The following BPTF variants were observed in gnomAD, a reference collection of about 807,000 sequenced individuals.
BPTF encodes the protein bromodomain PHD finger transcription factor.
BPTF carries 18 observed loss-of-function variants against 292.5 expected under a neutral mutation model. The ratio of observed to expected loss-of-function variants is 0.06; its 90% CI spans 0.04 to 0.09. The LOEUF (loss-of-function observed/expected upper bound fraction) is 0.09. Ranked by LOEUF, BPTF falls within the 10% of genes least tolerant of loss-of-function variation. The pLI, the probability that BPTF is intolerant of heterozygous loss-of-function variation, is 1.00. For synonymous variants in BPTF, 1,225 were observed against 1,251.9 expected, an observed-to-expected ratio of 0.98 and a Z score of 0.45; for missense variants, 2,726 against 3,498.7, an observed-to-expected ratio of 0.78 and a Z score of 5.57.
chr17:67,880,294 T>C (rs1329293455), intron 4 of BPTF, among the ~76,000 whole-genome samples: 1 of 152,172 alleles, frequency 6.6e-6, no homozygotes, highest in Non-Finnish European at 1.5e-5. Context: ...TTTCTGGTCT[T>C]AGTATTTTGT....
chr17:67,873,900 G>A (rs896060849), intron 3 of BPTF, among the ~76,000 whole-genome samples: 4 of 152,126 alleles, frequency 2.6e-5, no homozygotes, highest in African/African-American at 9.7e-5. Flanking sequence ...AAGAACAAAG[G>A]CTCCTTGGAG....
intron 4 of BPTF, among the ~76,000 whole-genome samples, chr17:67,877,521 A>T (rs1387635325): frequency 2.0e-5 from 3 of 152,208 alleles, no homozygotes; most frequent in Non-Finnish European, 4.4e-5. Context: ...TTCTTTTCTA[A>T]ACTTTCAGAA....
chr17:67,897,718 C>G (rs919086106), intron 7 of BPTF, among the ~76,000 whole-genome samples: 5 of 152,076 alleles, frequency 3.3e-5, no homozygotes, highest in African/African-American at 9.7e-5. Context: ...TTAAGGTGAT[C>G]GCAGGACCAG....
chr17:67,943,289 G>C (rs1242663165), intron 19 of BPTF, among the ~76,000 whole-genome samples: 1 of 152,126 alleles, frequency 6.6e-6, no homozygotes, highest in African/African-American at 2.4e-5. Flanking sequence ...AATAAGTTTT[G>C]AGGGATTCAC....
chr17:67,932,408 G>C (rs1290267649), intron 18 of BPTF, among the ~76,000 whole-genome samples: 3 of 152,198 alleles, frequency 2.0e-5, no homozygotes, highest in East Asian at 3.8e-4. Context: ...CATTTTAAAA[G>C]TTGAAGACTG....
At chr17:67,878,629 T>A (rs1321484766) in intron 4 of BPTF, among the ~76,000 whole-genome samples, 1 of 152,150 alleles carries the variant, frequency 6.6e-6, no homozygotes, top group Admixed American at 6.5e-5. Context: ...TTACTGTTCT[T>A]TGCACTTGCT....
chr17:67,920,942 C>G (rs2063388782), intron 13 of BPTF, among the ~76,000 whole-genome samples: 1 of 151,854 alleles, frequency 6.6e-6, no homozygotes, highest in South Asian at 2.1e-4. Context: ...TACAGTGGCT[C>G]ACACCTGTAA....
chr17:67,870,766 CTTTTT>C (rs11418428), intron 3 of BPTF, among the ~76,000 whole-genome samples: 1 of 106,394 alleles, frequency 9.4e-6, no homozygotes, highest in East Asian at 2.8e-4. Flanking sequence ...TGCTTCATTT[CTTTTT>C]TTTTTTTTTT....
At chr17:67,831,365 A>G (rs1004176614) in intron 1 of BPTF, among the ~76,000 whole-genome samples, 1 of 152,212 alleles carries the variant, frequency 6.6e-6, no homozygotes, top group Admixed American at 6.5e-5. Context: ...GAGGTTAAAC[A>G]TGAGAATTAA....
intron 17 of BPTF, among the ~76,000 whole-genome samples, chr17:67,930,115 CAAAAA>C (rs57367735): frequency 9.3e-6 from 1 of 107,824 alleles, no homozygotes. Context: ...GACCTTGTCT[CAAAAA>C]AAAAAAAAAA....
intron 15 of BPTF, among the ~76,000 whole-genome samples, chr17:67,927,851 T>A (rs1327865733): frequency 6.6e-6 from 1 of 152,082 alleles, no homozygotes; most frequent in East Asian, 1.9e-4. Flanking sequence ...GAATTAAAAA[T>A]ATATATATGG....
chr17:67,934,359 A>C (rs1247785627), intron 18 of BPTF, among the ~76,000 whole-genome samples: 1 of 151,914 alleles, frequency 6.6e-6, no homozygotes, highest in African/African-American at 2.4e-5. Flanking sequence ...CTCTACTAAA[A>C]ATACAAAAAT....
intron 4 of BPTF, chr17:67,875,835 T>C: frequency 4.5e-6 from 5 of 1,103,404 alleles, no homozygotes; most frequent in Non-Finnish European, 5.9e-6. Flanking sequence ...CCTTAAACTA[T>C]GTGTTCATTC....
In BPTF at chr17:67,959,747, G is replaced by A. The variant is rs782815100; in HGVS notation, c.8133G>A (p.Arg2711=). 6.2e-7 allele frequency: 1 copy of A among 1,612,408 alleles called. No homozygotes were observed. The highest frequency in any genetic ancestry group is 1.1e-5 in the South Asian group (1 of 91,044). Residue 2711 remains arginine, a synonymous_variant, in exon 24 of 28, where the codon AGG becomes AGA. Coordinates refer to ENST00000306378, the MANE Select transcript of BPTF (RefSeq NM_182641.4). ...CCTTACCTGCTGCTTCCCAGAAGAG[G>A]AAGCGGGAAGAGGAAAAAGACTCCA... is the stretch of plus-strand genomic sequence containing the variant. The part of the protein sequence containing the change: ...TPTLPAASQK[R]KREEEKDSSS...
At chr17:67,924,801 T>A (rs1445352943) in intron 15 of BPTF, among the ~76,000 whole-genome samples, 1 of 152,182 alleles carries the variant, frequency 6.6e-6, no homozygotes, top group Non-Finnish European at 1.5e-5. Context: ...AGTGTCTTAC[T>A]ATCACCCAGG....
chr17:67,979,169 CA>C (rs11376410), intron 27 of BPTF, among the ~76,000 whole-genome samples: 37 of 72,560 alleles, frequency 5.1e-4, no homozygotes, highest in African/African-American at 1.5e-3. Flanking sequence ...GACCCTGTCT[CA>C]AAAAAAAAAA....
intron 16 of BPTF, 147 bp downstream of exon 16, chr17:67,928,748 A>G (rs1047005242): frequency 3.1e-5 from 35 of 1,142,200 alleles, no homozygotes; most frequent in African/African-American, 9.4e-5. Context: ...TTGGTTTGTT[A>G]CAAATAATGT....
At chr17:67,933,582 AAG>A (rs1479711423) in intron 18 of BPTF, among the ~76,000 whole-genome samples, 1 of 152,168 alleles carries the variant, frequency 6.6e-6, no homozygotes, top group Non-Finnish European at 1.5e-5. Flanking sequence ...AAAAGAAAAA[AAG>A]AAAAAAAAGA....
chr17:67,975,641 C>A, intron 26 of BPTF, 131 bp from the exon 27 acceptor site: 4 of 686,146 alleles, frequency 5.8e-6, no homozygotes, highest in Non-Finnish European at 9.1e-6. Flanking sequence ...GCAAAATAAC[C>A]TCCAGGGTGA....
Sources: allele counts gnomAD v4.1 joint callset (sites outside exome capture counted in the v4.1 genomes callset), GRCh38; gene constraint gnomAD v4.1.1; transcripts MANE v1.5; gene names NCBI Gene and HGNC (gene_info 2026-07-23, HGNC 2026-07-21).